CNTN6: variants seen among roughly 807,000 people sequenced by gnomAD.
CNTN6 encodes contactin-6.
Under a neutral mutation model 122.8 loss-of-function variants are expected in CNTN6, and 137 were observed. That is an observed-to-expected ratio of 1.12 (90% CI 0.97 to 1.29). CNTN6 has a LOEUF of 1.29. Among genes scored for constraint, CNTN6 ranks in the 50% most tolerant of loss-of-function variants. The probability of loss-of-function intolerance (pLI) is 0.00; values close to 1 mark genes in which losing one functional copy is unlikely to be tolerated. For synonymous variants in CNTN6, 570 were observed against 426.0 expected, an observed-to-expected ratio of 1.34 and a Z score of -4.16; for missense variants, 1,634 against 1,223.4, an observed-to-expected ratio of 1.34 and a Z score of -5.01.
At chr3:1,124,134 G>T (rs966623026) in intron 1 of CNTN6, among the ~76,000 whole-genome samples, 3 of 151,808 alleles carry the variant, frequency 2.0e-5, no homozygotes, top group Non-Finnish European at 4.4e-5. Flanking sequence ...ATTTTTGATT[G>T]TCATAACTGG....
intron 1 of CNTN6, among the ~76,000 whole-genome samples, chr3:1,129,524 T>C (rs962772245): frequency 2.6e-5 from 4 of 152,078 alleles, no homozygotes; most frequent in African/African-American, 9.7e-5. Flanking sequence ...TACCCAACTT[T>C]CTGCACAGTC....
chr3:1,246,095 A>G (rs930676247), intron 4 of CNTN6, among the ~76,000 whole-genome samples: 1 of 152,160 alleles, frequency 6.6e-6, no homozygotes, highest in African/African-American at 2.4e-5. Context: ...ACAGAAAAGT[A>G]CAAAAAACAT....
At chr3:1,213,622 CTA>C (rs751378627) in intron 2 of CNTN6, among the ~76,000 whole-genome samples, 3 of 151,514 alleles carry the variant, frequency 2.0e-5, no homozygotes, top group African/African-American at 7.3e-5. Flanking sequence ...AGCCATCTTT[CTA>C]TATATATAAA....
In CNTN6 at chr3:1,353,631, A is replaced by G. The variant is rs146673578; in HGVS notation, c.1492+1180A>G. ...ATATTTAGGAACAGACTATTTCTCC[A>G]GCAAATTTTTGGCAATACTCAGACA... is the stretch of plus-strand genomic sequence containing the variant. On this transcript the variant is annotated intron_variant, in intron 12 of 22. Transcript: ENST00000446702. Among the ~76,000 whole-genome samples the G allele has an allele frequency of 1.9e-3, 289 of 151,804 alleles. 1 individual carries two copies. The highest frequency in any genetic ancestry group is 6.4e-3 in the African/African-American group (265 of 41,526).
At chr3:1,305,004 A>AC (rs1698122345) in intron 7 of CNTN6, among the ~76,000 whole-genome samples, 1 of 150,944 alleles carries the variant, frequency 6.6e-6, no homozygotes, top group Non-Finnish European at 1.5e-5. Flanking sequence ...AAAAAAAAAA[A>AC]CAAAATTCAA....
intron 10 of CNTN6, among the ~76,000 whole-genome samples, chr3:1,329,086 T>G: frequency 6.6e-6 from 1 of 151,518 alleles, no homozygotes; most frequent in East Asian, 2.0e-4. Flanking sequence ...CATATATATG[T>G]ATATATGTGT....
intron 1 of CNTN6, among the ~76,000 whole-genome samples, chr3:1,106,960 C>T (rs569646888): frequency 6.6e-6 from 1 of 152,084 alleles, no homozygotes; most frequent in African/African-American, 2.4e-5. Context: ...CGAATAGTGC[C>T]ACATTATCTA....
chr3:1,229,302 G>T (rs181485955), intron 4 of CNTN6, among the ~76,000 whole-genome samples: 62 of 152,210 alleles, frequency 4.1e-4, no homozygotes, highest in African/African-American at 1.5e-3. Flanking sequence ...ATAAAGAATT[G>T]TTCCAGACTT....
chr3:1,224,919 T>C (rs1384347156), intron 3 of CNTN6, among the ~76,000 whole-genome samples: 1 of 152,030 alleles, frequency 6.6e-6, no homozygotes, highest in Non-Finnish European at 1.5e-5. Flanking sequence ...CTAATTTTTG[T>C]ATTTTTTTAA....
intron 7 of CNTN6, among the ~76,000 whole-genome samples, chr3:1,320,878 C>T (rs937620914): frequency 2.0e-5 from 3 of 151,484 alleles, no homozygotes; most frequent in African/African-American, 7.3e-5. Context: ...TTGAAAGATA[C>T]CCATATTAGA....
At chr3:1,244,869 C>G (rs1054065448) in intron 4 of CNTN6, among the ~76,000 whole-genome samples, 13 of 134,056 alleles carry the variant, frequency 9.7e-5, no homozygotes, top group Non-Finnish European at 1.8e-4. Flanking sequence ...AAAGAACCTT[C>G]TTAAGGGTGG....
chr3:1,176,066 T>C (rs1019257096), intron 2 of CNTN6, among the ~76,000 whole-genome samples: 1 of 152,152 alleles, frequency 6.6e-6, no homozygotes, highest in African/African-American at 2.4e-5. Context: ...TGTAGAAATA[T>C]TGAGTACAAA....
At chr3:1,197,744 A>T (rs1357825434) in intron 2 of CNTN6, among the ~76,000 whole-genome samples, 46 of 152,190 alleles carry the variant, frequency 3.0e-4, no homozygotes. Flanking sequence ...TGTTAAATGG[A>T]AGTAATATTA....
Position 1,327,532 on chromosome 3 carries a change from G to C in CNTN6, c.1159G>C (p.Ala387Pro). 6.2e-7 allele frequency: 1 copy of C among 1,610,876 alleles called. No homozygotes were observed. The highest frequency in any genetic ancestry group is 8.5e-7 in the Non-Finnish European group (1 of 1,178,090). ...NVSDSGVYQC[A>P]AENKYQIIYA... ...GTCAGATTCTGGTGTGTACCAATGT[G>C]CTGCAGAAAACAAATATCAGATAAT... The change falls in exon 10 of 23, where the codon GCT (alanine) becomes CCT (proline). Residue 387 changes from alanine to proline, a missense_variant. Transcript: ENST00000446702.
intron 5 of CNTN6, among the ~76,000 whole-genome samples, chr3:1,287,528 A>G (rs1408742899): frequency 6.6e-6 from 1 of 152,146 alleles, no homozygotes; most frequent in Non-Finnish European, 1.5e-5. Context: ...TGGTCTCCCT[A>G]AGAATTGGAG....
Position 1,385,682 on chromosome 3 carries a change from C to G in CNTN6, c.2589C>G (p.Thr863=). ...GKIRVSGNVT[T]KNITGLKANT... ...TTAGAGTCAGTGGAAATGTCACAAC[C>G]AAAAACATCACGGGGCTGAAAGCTA... The change falls in exon 20 of 23, where the codon ACC becomes ACG. Residue 863 remains threonine, a synonymous_variant. Transcript: ENST00000446702. 1.9e-6 allele frequency: 3 copies of G among 1,613,958 alleles called. No individual in the cohort carries two copies.
At chr3:1,255,222 T>A (rs955784376) in intron 4 of CNTN6, among the ~76,000 whole-genome samples, 1 of 152,008 alleles carries the variant, frequency 6.6e-6, no homozygotes, top group African/African-American at 2.4e-5. Flanking sequence ...TGAGGAATGG[T>A]GAAAGAGACT....
intron 20 of CNTN6, among the ~76,000 whole-genome samples, chr3:1,399,755 A>G (rs553777676): frequency 6.6e-6 from 1 of 152,212 alleles, no homozygotes; most frequent in East Asian, 1.9e-4. Flanking sequence ...TATGAATTGG[A>G]TGTCTCCTAT....
chr3:1,403,402 T>G lies in CNTN6; in HGVS notation c.3071T>G (p.Ile1024Ser), dbSNP rs1489593871. 6.2e-7 allele frequency: 1 copy of G among 1,606,166 alleles called. No individual in the cohort carries two copies. Among genetic ancestry groups the G allele is most frequent in the Non-Finnish European group, 8.5e-7 (1 of 1,173,800 alleles). ...ATTGTGATTTTTCACTGTTTTGCTA[T>G]TCAGCCACTTATCTGATGAATAAAA... is the stretch of plus-strand genomic sequence containing the variant. The part of the protein sequence containing the change: ...IVIVIFHCFA[I>S]QPLI Residue 1024 changes from isoleucine (I) to serine (S), a missense_variant, in exon 23 of 23, where the codon ATT (isoleucine) becomes AGT (serine). Coordinates refer to ENST00000446702, the MANE Select transcript of CNTN6 (RefSeq NM_001289080.2).
Sources: gnomAD v4.1 joint callset for allele counts (sites outside exome capture counted in the v4.1 genomes callset) on GRCh38, gnomAD v4.1.1 for gene constraint, MANE v1.5 for transcripts, NCBI Gene and HGNC (gene_info 2026-07-23, HGNC 2026-07-21) for gene names.